Variants in BCKDHB observed in about 807,000 individuals in gnomAD.
BCKDHB encodes branched chain keto acid dehydrogenase E1 subunit beta, also known as 2-oxoisovalerate dehydrogenase subunit beta, mitochondrial.
In BCKDHB, 41 loss-of-function variants were observed where a neutral mutation model predicts 48.5. The ratio of observed to expected loss-of-function variants is 0.85; its 90% CI spans 0.66 to 1.10. The LOEUF is 1.10. Among genes scored for constraint, BCKDHB ranks in the 50% least tolerant of loss-of-function variants. The probability of loss-of-function intolerance (pLI) is 0.00; values close to 1 mark genes in which losing one functional copy is unlikely to be tolerated. For missense variants in BCKDHB, 496 were observed against 494.2 expected (o/e 1.00, Z -0.03); for synonymous variants, 201 against 174.8 (o/e 1.15, Z -1.18).
intron 9 of BCKDHB, among the ~76,000 whole-genome samples, chr6:80,299,305 A>G (rs537103175): frequency 6.6e-6 from 1 of 152,100 alleles, no homozygotes; most frequent in South Asian, 2.1e-4. Context: ...TGTGCAGATG[A>G]TTTTCCTTTG....
chr6:80,187,965 T>A (rs1773723291), intron 6 of BCKDHB, among the ~76,000 whole-genome samples: 1 of 152,156 alleles, frequency 6.6e-6, no homozygotes, highest in Admixed American at 6.5e-5. Flanking sequence ...AACCCAGCAA[T>A]CCCATTATTG....
intron 6 of BCKDHB, among the ~76,000 whole-genome samples, chr6:80,185,865 C>T (rs1015604163): frequency 2.0e-5 from 3 of 152,102 alleles, no homozygotes; most frequent in Non-Finnish European, 4.4e-5. Flanking sequence ...CCTTGGTTGT[C>T]GTTTTGTTTA....
intron 8 of BCKDHB, among the ~76,000 whole-genome samples, chr6:80,245,364 G>A (rs1040041706): frequency 1.3e-5 from 2 of 151,922 alleles, no homozygotes; most frequent in African/African-American, 2.4e-5. Flanking sequence ...TTCAAAAAAG[G>A]CTTTCAATAG....
rs139037939 is a variant in BCKDHB, at chr6:80,307,564, C to CT, written c.1038+34344dup. On this transcript the variant is annotated intron_variant, in intron 9 of 9. Coordinates refer to ENST00000320393, the MANE Select transcript of BCKDHB (RefSeq NM_183050.4). ...CGTCTCCAGATGGGTCCATGAATGACTAAAAAAAATCTTCTAGTGAAAAAT... is the reference window on the plus strand; with the variant it reads ...CGTCTCCAGATGGGTCCATGAATGACTTAAAAAAAATCTTCTAGTGAAAAAT... The CT allele has an allele frequency of 6.2e-3, 6,100 of 984,676 alleles. 267 individuals are homozygous for CT. In the African/African-American group the frequency reaches 0.099, roughly 16 times the overall value. The allele number at this position is 984,676 out of a possible 1,614,324, so 61.0% of individuals were successfully genotyped here.
rs569782673 is a variant in BCKDHB, at chr6:80,182,254, C to T, written c.742+10864C>T. On this transcript the variant is annotated intron_variant, in intron 6 of 9. Transcript: ENST00000320393. ...GTAGCAGGAAGAATCAAAAGGTGTTCAGTCAACTGACAGTGCAATTGCCTT... is the reference window on the plus strand; with the variant it reads ...GTAGCAGGAAGAATCAAAAGGTGTTTAGTCAACTGACAGTGCAATTGCCTT... Among the ~76,000 whole-genome samples, 52 of 152,262 alleles carry T rather than the reference C, an allele frequency of 3.4e-4. No individual in the cohort carries two copies. In the East Asian group the frequency reaches 9.6e-3, roughly 28 times the overall value.
At chr6:80,360,851 A>G in the BCKDHB span, among the ~76,000 whole-genome samples, 1 of 151,772 alleles carries the variant, frequency 6.6e-6, no homozygotes, top group South Asian at 2.1e-4. Context: ...CTAAAAATAC[A>G]AAAATTTGCC....
the BCKDHB span, among the ~76,000 whole-genome samples, chr6:80,400,460 CAT>C: frequency 6.6e-6 from 1 of 151,952 alleles, no homozygotes; most frequent in Non-Finnish European, 1.5e-5. Context: ...ACCAAAAAAT[CAT>C]ATAAAAATGC....
At chr6:80,464,096 G>A in the BCKDHB span, among the ~76,000 whole-genome samples, 139,871 of 152,124 alleles carry the variant, frequency 0.92, 64,385 homozygotes, top group East Asian at 0.98. Flanking sequence ...GATTACAAGT[G>A]CATTGAGTCT....
At chr6:80,430,119 T>C in the BCKDHB span, among the ~76,000 whole-genome samples, 1 of 152,246 alleles carries the variant, frequency 6.6e-6, no homozygotes, top group Non-Finnish European at 1.5e-5. Context: ...TCTTTTGAGA[T>C]AATCATGTGG....
intron 8 of BCKDHB, among the ~76,000 whole-genome samples, chr6:80,209,762 A>G (rs373037754): frequency 1.3e-5 from 2 of 152,066 alleles, no homozygotes; most frequent in Admixed American, 6.6e-5. Context: ...GTGCACTAAT[A>G]AAACACTAAC....
chr6:80,113,512 A>T (rs1037612627), intron 1 of BCKDHB, among the ~76,000 whole-genome samples: 1 of 152,196 alleles, frequency 6.6e-6, no homozygotes. Context: ...GTGCTTAGGC[A>T]TTGTGCGCTG....
At chr6:80,304,792 C>A (rs1432563692) in intron 9 of BCKDHB, among the ~76,000 whole-genome samples, 1 of 152,026 alleles carries the variant, frequency 6.6e-6, no homozygotes, top group Non-Finnish European at 1.5e-5. Context: ...TAATTTATTA[C>A]ATTGATTGAC....
chr6:80,167,887 T>C (rs1767193385), intron 4 of BCKDHB, 76 bp downstream of exon 4: 1 of 1,391,346 alleles, frequency 7.2e-7, no homozygotes, highest in African/African-American at 1.4e-5. Flanking sequence ...CCACCCACCC[T>C]TACCTGCATT....
chr6:80,164,464 T>A (rs566194132), intron 3 of BCKDHB, among the ~76,000 whole-genome samples: 1 of 152,164 alleles, frequency 6.6e-6, no homozygotes, highest in East Asian at 1.9e-4. Flanking sequence ...CATAGTAGTT[T>A]CCCTCCCTCC....
At chr6:80,188,678 T>C (rs548134288) in intron 6 of BCKDHB, among the ~76,000 whole-genome samples, 1 of 152,130 alleles carries the variant, frequency 6.6e-6, no homozygotes, top group East Asian at 1.9e-4. Context: ...AAAAACAAAC[T>C]ACCAATCGCT....
chr6:80,232,721 G>T (rs1775980560), intron 8 of BCKDHB, among the ~76,000 whole-genome samples: 2 of 147,150 alleles, frequency 1.4e-5, no homozygotes, highest in South Asian at 4.2e-4. Context: ...TTATATTAAA[G>T]AGATATGTAT....
rs9343970 is a variant in BCKDHB at position 80,171,572 on chromosome 6, C to G, written c.742+182C>G. Among the ~76,000 whole-genome samples the G allele has an allele frequency of 0.36, 55,090 of 151,706 alleles. 11,921 individuals carry two copies. Among genetic ancestry groups the G allele is most frequent in the East Asian group, 0.56 (2,870 of 5,142 alleles). On this transcript the variant is annotated intron_variant, in intron 6 of 9. Coordinates refer to ENST00000320393, the MANE Select transcript of BCKDHB (RefSeq NM_183050.4). ...AATTTTATGTTTGGGAAAAATTCAT[C>G]TAGCCATTTTATATTTTGATTGTGG...
At chr6:80,435,143 A>G in the BCKDHB span, among the ~76,000 whole-genome samples, 79 of 152,246 alleles carry the variant, frequency 5.2e-4, 1 homozygote, top group Middle Eastern at 0.02. Context: ...TTATTTATCT[A>G]TCCCTATCCT....
the BCKDHB span, among the ~76,000 whole-genome samples, chr6:80,434,398 A>G: frequency 6.6e-6 from 1 of 151,842 alleles, no homozygotes; most frequent in African/African-American, 2.4e-5. Context: ...AATACTCATA[A>G]TACTGTTTTA....
Sources: gnomAD v4.1 joint callset for allele counts (sites outside exome capture counted in the v4.1 genomes callset) on GRCh38, gnomAD v4.1.1 for gene constraint, MANE v1.5 for transcripts, NCBI Gene and HGNC (gene_info 2026-07-23, HGNC 2026-07-21) for gene names.